C2orf92: variants seen among roughly 807,000 people sequenced by gnomAD.
C2orf92 encodes uncharacterized protein C2orf92.
intron 3 of C2orf92, chr2:97,677,610 T>A (rs974090812): frequency 1.3e-5 from 2 of 152,144 alleles, no homozygotes; most frequent in African/African-American, 4.8e-5. Flanking sequence ...TCCAGAGTTA[T>A]CAAAATGTAA....
At position 97,699,040 on chromosome 2, in the gene C2orf92, GAGA is replaced by G. The variant is rs573679124; in HGVS notation, c.423_425del (p.Lys141del). 6.6e-4 allele frequency: 263 copies of G among 398,532 alleles called. No homozygotes were observed. Among genetic ancestry groups the G allele is most frequent in the African/African-American group, 5.2e-3 (252 of 48,724 alleles). The allele number at this position is 398,532 out of a possible 1,614,324, so 24.7% of individuals were successfully genotyped here. A position where few individuals can be genotyped will look rare whatever the true frequency, so the allele number is the denominator to read the frequency against. ...ATCTTTTGTAGATCACCTTTCAGAG[GAGA>G]AGAATTTTAAAGAATCCTGTCTGTT... On this transcript the variant is annotated inframe_deletion, in exon 6 of 8. Coordinates refer to ENST00000627399, the MANE Select transcript of C2orf92 (RefSeq NM_001351368.2).
intron 5 of C2orf92, 22 bp from the exon 6 acceptor site, chr2:97,699,004 G>T: frequency 5.0e-6 from 2 of 398,332 alleles, no homozygotes; most frequent in South Asian, 2.6e-4. Context: ...GTTTGTAGAT[G>T]AACACATTTT....
At chr2:97,670,060 G>C (rs1675361050) in intron 1 of C2orf92, 1 of 383,102 alleles carries the variant, frequency 2.6e-6, no homozygotes, top group Non-Finnish European at 4.6e-6. Context: ...CTCTATAGGA[G>C]GGTGGCATAC....
chr2:97,691,588 T>C (rs1179118164), intron 5 of C2orf92, among the ~76,000 whole-genome samples: 2 of 152,120 alleles, frequency 1.3e-5, no homozygotes, highest in African/African-American at 4.8e-5. Context: ...CCAGGCCAAA[T>C]AGGTCACTGT....
upstream of C2orf92, chr2:97,664,035 G>C: frequency 2.8e-6 from 1 of 363,268 alleles, no homozygotes; most frequent in Non-Finnish European, 4.6e-6. Context: ...CGAGCCCCGC[G>C]GGGCTTTCTG....
At chr2:97,666,552 A>C (rs1216884643), upstream of C2orf92, among the ~76,000 whole-genome samples, 1 of 128,244 alleles carries the variant, frequency 7.8e-6, no homozygotes, top group Non-Finnish European at 1.7e-5. Flanking sequence ...AAAAAAAAAG[A>C]TGGGGTTGAG....
chr2:97,673,415 C>G (rs1373156620), intron 1 of C2orf92, among the ~76,000 whole-genome samples: 1 of 152,126 alleles, frequency 6.6e-6, no homozygotes, highest in Non-Finnish European at 1.5e-5. Context: ...GCTAGTGTTT[C>G]CTAGATGCTG....
chr2:97,681,753 G>C (rs1055332911), intron 3 of C2orf92, among the ~76,000 whole-genome samples: 2 of 152,122 alleles, frequency 1.3e-5, no homozygotes, highest in African/African-American at 4.8e-5. Context: ...AGCTATTTGG[G>C]AGGCTGAGGC....
At chr2:97,664,780 C>T (rs1258625997), upstream of C2orf92, 2 of 152,124 alleles carry the variant, frequency 1.3e-5, no homozygotes, top group Non-Finnish European at 2.9e-5. Context: ...TCGCTATGTT[C>T]CCCGGGCTAG....
At chr2:97,696,295 G>C (rs1573227387) in intron 5 of C2orf92, among the ~76,000 whole-genome samples, 1 of 152,308 alleles carries the variant, frequency 6.6e-6, no homozygotes, top group East Asian at 1.9e-4. Context: ...ACTGTAGGCA[G>C]TGACAAAGCT....
chr2:97,692,372 A>G (rs1676166710), intron 5 of C2orf92, among the ~76,000 whole-genome samples: 1 of 148,942 alleles, frequency 6.7e-6, no homozygotes, highest in Admixed American at 6.7e-5. Context: ...GCCTTGTTCA[A>G]TTCTACGTAT....
At chr2:97,664,202 C>T (rs1573188929), upstream of C2orf92, 2 of 176,124 alleles carry the variant, frequency 1.1e-5, no homozygotes, top group East Asian at 1.4e-4. Flanking sequence ...AGGTAGGCTG[C>T]GCAGTGTCTG....
intron 3 of C2orf92, among the ~76,000 whole-genome samples, chr2:97,678,568 G>A (rs1675658681): frequency 6.6e-6 from 1 of 152,106 alleles, no homozygotes; most frequent in South Asian, 2.1e-4. Context: ...TAACAGATAA[G>A]TGACTCAGCA....
intron 1 of C2orf92, among the ~76,000 whole-genome samples, chr2:97,672,086 A>G (rs73959769): frequency 0.14 from 21,079 of 152,030 alleles, 2,432 homozygotes; most frequent in African/African-American, 0.31. Context: ...GTTCTGAACC[A>G]CAGCTGTCTG....
intron 5 of C2orf92, among the ~76,000 whole-genome samples, chr2:97,695,736 C>CTTTCTTTTCT (rs372334285): frequency 0.032 from 4,879 of 151,370 alleles, 249 homozygotes; most frequent in African/African-American, 0.11. Flanking sequence ...CTTTTATTTT[C>CTTTCTTTTCT]TTTCTTTTCT....
At chr2:97,665,737 C>CTATATATATA (rs146865921), upstream of C2orf92, 2 of 29,254 alleles carry the variant, frequency 6.8e-5, no homozygotes, top group African/African-American at 1.3e-4. Context: ...CTCTCTCTCT[C>CTATATATATA]TATATATATA....
chr2:97,673,437 C>T (rs1014224449), intron 1 of C2orf92, among the ~76,000 whole-genome samples: 3 of 152,134 alleles, frequency 2.0e-5, no homozygotes, highest in African/African-American at 7.2e-5. Flanking sequence ...TTCCAGGTGT[C>T]TTGCATGTCA....
At chr2:97,684,430 A>G (rs1464441039) in intron 3 of C2orf92, among the ~76,000 whole-genome samples, 3 of 152,340 alleles carry the variant, frequency 2.0e-5, no homozygotes, top group African/African-American at 7.2e-5. Context: ...GGTCACAGGC[A>G]AAAGAATGAA....
chr2:97,663,989 C>T (rs1434423831), upstream of C2orf92: 3 of 701,664 alleles, frequency 4.3e-6, no homozygotes, highest in South Asian at 5.9e-5. Flanking sequence ...CCCGACGCGG[C>T]GCCGCTGCCC....
Sources: allele counts gnomAD v4.1 joint callset (sites outside exome capture counted in the v4.1 genomes callset), GRCh38; gene constraint gnomAD v4.1.1; transcripts MANE v1.5; gene names NCBI Gene and HGNC (gene_info 2026-07-23, HGNC 2026-07-21).